The following RARB variants were observed in gnomAD, a reference collection of about 807,000 sequenced individuals.
RARB encodes retinoic acid receptor beta.
RARB carries 17 observed loss-of-function variants against 51.9 expected under a neutral mutation model. The observed-to-expected ratio is 0.33, with a 90% CI of 0.22 to 0.49. The LOEUF is 0.49. Ranked by LOEUF, RARB falls within the 20% of genes least tolerant of loss-of-function variation. The probability of loss-of-function intolerance (pLI) is 0.99; values close to 1 mark genes in which losing one functional copy is unlikely to be tolerated. For synonymous variants in RARB, 215 were observed against 195.4 expected (o/e 1.10, Z -0.84); for missense variants, 369 against 550.8 (o/e 0.67, Z 3.30).
chr3:25,106,458 G>GTTTTT (rs1330251701), intron 3 of RARB, among the ~76,000 whole-genome samples: 2 of 107,836 alleles, frequency 1.9e-5, no homozygotes, highest in East Asian at 3.2e-4. Flanking sequence ...TTTGTTTTTT[G>GTTTTT]TTTTTTTTTG....
chr3:25,153,286 C>T (rs993171971), intron 4 of RARB, among the ~76,000 whole-genome samples: 2 of 152,130 alleles, frequency 1.3e-5, no homozygotes, highest in African/African-American at 4.8e-5. Flanking sequence ...TTGTTTTGTG[C>T]ACGTCATCCG....
At chr3:25,297,671 T>C (rs1459008300) in intron 5 of RARB, among the ~76,000 whole-genome samples, 1 of 152,172 alleles carries the variant, frequency 6.6e-6, no homozygotes, top group Non-Finnish European at 1.5e-5. Context: ...TCTTATTTTT[T>C]CTTTTTGTTT....
intron 4 of RARB, among the ~76,000 whole-genome samples, chr3:25,146,077 C>A (rs1022148201): frequency 3.3e-5 from 5 of 152,130 alleles, no homozygotes; most frequent in African/African-American, 1.2e-4. Flanking sequence ...AGGCAGCCTG[C>A]ATGCAAATCC....
chr3:24,965,927 C>T (rs1235909996), intron 2 of RARB, among the ~76,000 whole-genome samples: 6 of 152,040 alleles, frequency 3.9e-5, no homozygotes, highest in East Asian at 1.9e-4. Flanking sequence ...AGAAAAGTAA[C>T]GTGGTATTAG....
chr3:25,408,859 T>C (rs879628596), intron 5 of RARB, among the ~76,000 whole-genome samples: 5 of 152,096 alleles, frequency 3.3e-5, no homozygotes, highest in Middle Eastern at 3.4e-3. Context: ...CATAGTGAAA[T>C]GCAGTCTCTA....
At chr3:25,203,127 G>A (rs1701440318) in intron 5 of RARB, among the ~76,000 whole-genome samples, 1 of 152,162 alleles carries the variant, frequency 6.6e-6, no homozygotes, top group Admixed American at 6.5e-5. Flanking sequence ...TGTATTGGGT[G>A]CATATATATT....
chr3:24,951,143 A>G (rs1178718483), intron 2 of RARB, among the ~76,000 whole-genome samples: 3 of 152,184 alleles, frequency 2.0e-5, no homozygotes, highest in Non-Finnish European at 4.4e-5. Flanking sequence ...CTTATCCTAC[A>G]GAGGGCTTTA....
intron 3 of RARB, among the ~76,000 whole-genome samples, chr3:25,518,301 A>G (rs2125629139): frequency 6.6e-6 from 1 of 152,010 alleles, no homozygotes; most frequent in Non-Finnish European, 1.5e-5. Context: ...CTAAAAGGGG[A>G]CAAGTTCAGT....
At chr3:25,448,517 G>C (rs1316632443) in intron 1 of RARB, among the ~76,000 whole-genome samples, 1 of 152,138 alleles carries the variant, frequency 6.6e-6, no homozygotes, top group African/African-American at 2.4e-5. Context: ...GCCCAGGCTG[G>C]AGTGCAGTGG....
Position 25,438,325 on chromosome 3 carries a change from C to A in RARB, c.157+9437C>A, listed in dbSNP as rs545058380. 7.3e-5 allele frequency among the ~76,000 whole-genome samples: 11 copies of A among 150,864 alleles called. 1 individual carries two copies. Among genetic ancestry groups the A allele is most frequent in the African/African-American group, 2.6e-4 (11 of 41,526 alleles). On this transcript the variant is annotated intron_variant, in intron 1 of 7. Coordinates refer to ENST00000330688, the MANE Select transcript of RARB (RefSeq NM_000965.5). ...TCTGCTGGTGAAGCAGACACAGGGCCAGCCCAGATTCAATAACTACCTTTC... is the reference window on the plus strand; with the variant it reads ...TCTGCTGGTGAAGCAGACACAGGGCAAGCCCAGATTCAATAACTACCTTTC...
chr3:25,127,015 G>A (rs553468443), intron 3 of RARB, among the ~76,000 whole-genome samples: 3 of 152,040 alleles, frequency 2.0e-5, no homozygotes, highest in Admixed American at 1.3e-4. Flanking sequence ...CATTCATCCT[G>A]TTCTCTCCAT....
intron 5 of RARB, among the ~76,000 whole-genome samples, chr3:25,285,635 G>C (rs1330629964): frequency 6.6e-6 from 1 of 152,190 alleles, no homozygotes; most frequent in Non-Finnish European, 1.5e-5. Context: ...GGGTTGGAGA[G>C]AGGGGAGTAT....
intron 2 of RARB, among the ~76,000 whole-genome samples, 158 bp from the exon 3 acceptor site, chr3:25,501,024 T>C (rs1418398553): frequency 6.6e-6 from 1 of 152,204 alleles, no homozygotes; most frequent in East Asian, 1.9e-4. Flanking sequence ...AAACTATTGA[T>C]ATCTCACGAG....
At chr3:25,548,921 C>A (rs766335550) in intron 3 of RARB, among the ~76,000 whole-genome samples, 2 of 151,898 alleles carry the variant, frequency 1.3e-5, no homozygotes, top group Non-Finnish European at 2.9e-5. Flanking sequence ...AAGCTTGGCT[C>A]TATATTTTGA....
intron 2 of RARB, chr3:25,462,419 C>A (rs1695232069): frequency 6.6e-6 from 1 of 152,182 alleles, no homozygotes. Flanking sequence ...TATATAACTT[C>A]TTTAAGTCCT....
At chr3:25,241,250 T>G (rs1278496224) in intron 5 of RARB, among the ~76,000 whole-genome samples, 1 of 152,202 alleles carries the variant, frequency 6.6e-6, no homozygotes, top group African/African-American at 2.4e-5. Context: ...TTACTGAGTT[T>G]TAGTGGTCTG....
intron 2 of RARB, among the ~76,000 whole-genome samples, chr3:25,463,980 C>A (rs761258657): frequency 6.6e-6 from 1 of 152,154 alleles, no homozygotes; most frequent in Admixed American, 6.5e-5. Context: ...TTATTAGTAA[C>A]CCCTAGCTGA....
intron 4 of RARB, among the ~76,000 whole-genome samples, chr3:25,139,498 C>A (rs1700078571): frequency 6.6e-6 from 1 of 152,134 alleles, no homozygotes; most frequent in Non-Finnish European, 1.5e-5. Context: ...TCCTAACTCA[C>A]TTCAATGCCA....
intron 3 of RARB, among the ~76,000 whole-genome samples, chr3:25,547,414 G>T (rs1236268012): frequency 6.6e-6 from 1 of 152,200 alleles, no homozygotes; most frequent in Non-Finnish European, 1.5e-5. Context: ...CCTGGTAAAT[G>T]CTCAATAATT....
Sources: allele counts gnomAD v4.1 joint callset (sites outside exome capture counted in the v4.1 genomes callset), GRCh38; gene constraint gnomAD v4.1.1; transcripts MANE v1.5; gene names NCBI Gene and HGNC (gene_info 2026-07-23, HGNC 2026-07-21).